JAM3: variants seen among roughly 807,000 people sequenced by gnomAD.
The protein encoded by JAM3 is junctional adhesion molecule 3, also known as junctional adhesion molecule C.
In JAM3, 31 loss-of-function variants were observed where a neutral mutation model predicts 39.4. The ratio of observed to expected loss-of-function variants is 0.79; its 90% CI spans 0.59 to 1.06. The LOEUF is 1.06. Ranked by LOEUF, JAM3 falls within the 50% of genes least tolerant of loss-of-function variation. JAM3 has a pLI of 0.00. For synonymous variants in JAM3, 182 were observed against 148.7 expected, an observed-to-expected ratio of 1.22 and a Z score of -1.63; for missense variants, 455 against 391.4, an observed-to-expected ratio of 1.16 and a Z score of -1.37.
At chr11:134,078,831 G>C (rs1941616832) in intron 1 of JAM3, among the ~76,000 whole-genome samples, 1 of 152,188 alleles carries the variant, frequency 6.6e-6, no homozygotes, top group Non-Finnish European at 1.5e-5. Flanking sequence ...CTGAGGTCGG[G>C]AGTTCGAGAC....
intron 1 of JAM3, among the ~76,000 whole-genome samples, chr11:134,117,003 T>G (rs1472827712): frequency 2.0e-5 from 3 of 151,988 alleles, no homozygotes; most frequent in Non-Finnish European, 4.4e-5. Context: ...TCACACCATT[T>G]CTACTCAACA....
In JAM3 at chr11:134,150,300, C is replaced by T. The variant is rs552885357; in HGVS notation, c.*1119C>T. 6.6e-6 allele frequency: 1 copy of T among 152,472 alleles called. No homozygotes were observed. Among genetic ancestry groups the T allele is most frequent in the South Asian group, 2.1e-4 (1 of 4,830 alleles). The allele number at this position is 152,472 out of a possible 1,614,324, so 9.4% of individuals were successfully genotyped here. On this transcript the variant is annotated 3_prime_UTR_variant, in exon 9 of 9. Coordinates refer to ENST00000299106, the MANE Select transcript of JAM3 (RefSeq NM_032801.5). Reference sequence around the variant, plus strand: ...AACCTCTCAGGTTAGCTTTGAACTGCCTCTTCCTGAGATGACTAGGACAGT... The same window carrying T: ...AACCTCTCAGGTTAGCTTTGAACTGTCTCTTCCTGAGATGACTAGGACAGT...
chr11:134,141,921 C>G (rs1051157859), intron 3 of JAM3, among the ~76,000 whole-genome samples: 3 of 151,930 alleles, frequency 2.0e-5, no homozygotes, highest in Non-Finnish European at 4.4e-5. Flanking sequence ...GTGGAAGCAG[C>G]TCCAACACAG....
intron 1 of JAM3, among the ~76,000 whole-genome samples, chr11:134,108,998 C>T (rs1432531410): frequency 6.6e-6 from 1 of 151,980 alleles, no homozygotes; most frequent in Admixed American, 6.6e-5. Context: ...ATTCTATCTC[C>T]CGGGCTGGAG....
intron 1 of JAM3, among the ~76,000 whole-genome samples, chr11:134,107,549 T>G (rs1019753010): frequency 6.6e-6 from 1 of 152,036 alleles, no homozygotes; most frequent in African/African-American, 2.4e-5. Context: ...ACATCAGAAT[T>G]AAGACTAGGC....
intron 1 of JAM3, among the ~76,000 whole-genome samples, chr11:134,098,980 G>C (rs1470992456): frequency 6.6e-6 from 1 of 152,082 alleles, no homozygotes; most frequent in Non-Finnish European, 1.5e-5. Context: ...TGGGCAGATT[G>C]CTTGAGCCCA....
At chr11:134,123,834 C>T (rs548333322) in intron 1 of JAM3, 4 of 783,008 alleles carry the variant, frequency 5.1e-6, no homozygotes, top group East Asian at 2.4e-5. Flanking sequence ...CTACTGAACA[C>T]AGCAGTGCCC....
chr11:134,095,732 G>A (rs1161220739), intron 1 of JAM3, among the ~76,000 whole-genome samples: 1 of 152,166 alleles, frequency 6.6e-6, no homozygotes, highest in African/African-American at 2.4e-5. Context: ...TCAGTTACGA[G>A]TGTGCTGTTA....
intron 1 of JAM3, among the ~76,000 whole-genome samples, chr11:134,134,090 CTA>C (rs747642615): frequency 7.9e-5 from 12 of 151,788 alleles, no homozygotes; most frequent in Non-Finnish European, 1.2e-4. Flanking sequence ...AAACGAAACA[CTA>C]GAGATAAAAA....
intron 1 of JAM3, chr11:134,124,021 C>T (rs1282013031): frequency 6.8e-7 from 1 of 1,462,990 alleles, no homozygotes; most frequent in Non-Finnish European, 9.6e-7. Flanking sequence ...CCCAATCCCG[C>T]AACACAAGGC....
intron 1 of JAM3, among the ~76,000 whole-genome samples, chr11:134,093,068 C>T (rs1161131849): frequency 7.7e-6 from 1 of 130,326 alleles, no homozygotes; most frequent in African/African-American, 3.0e-5. Context: ...TTCCACCTTA[C>T]ATCTTATTCG....
intron 1 of JAM3, chr11:134,123,771 C>T: frequency 1.5e-6 from 1 of 683,264 alleles, no homozygotes; most frequent in Non-Finnish European, 2.7e-6. Context: ...TTCCAGGTAC[C>T]AAGGGTTCCC....
At chr11:134,090,423 GT>G (rs1941826521) in intron 1 of JAM3, among the ~76,000 whole-genome samples, 1 of 152,008 alleles carries the variant, frequency 6.6e-6, no homozygotes, top group Non-Finnish European at 1.5e-5. Context: ...TTCTTCTAGG[GT>G]TTTTTTCAAT....
chr11:134,083,463 A>G lies in JAM3; in HGVS notation c.76+14304A>G, dbSNP rs116391600. Reference sequence around the variant, plus strand: ...CCACATGCTGTTTGCAAATTGCAAAAAACATTCCTTCAAGTGAGTTTGGAG... The same window carrying G: ...CCACATGCTGTTTGCAAATTGCAAAGAACATTCCTTCAAGTGAGTTTGGAG... On this transcript the variant is annotated intron_variant, in intron 1 of 8. Transcript: ENST00000299106. 7.2e-3 allele frequency among the ~76,000 whole-genome samples: 1,099 copies of G among 152,328 alleles called. 8 individuals carry two copies. Among genetic ancestry groups the G allele is most frequent in the African/African-American group, 0.025 (1,028 of 41,564 alleles).
intron 1 of JAM3, among the ~76,000 whole-genome samples, chr11:134,112,872 C>T (rs1942344542): frequency 6.6e-6 from 1 of 152,152 alleles, no homozygotes; most frequent in Admixed American, 6.5e-5. Context: ...TGAAATAGAG[C>T]ATGAAAATCT....
intron 1 of JAM3, among the ~76,000 whole-genome samples, chr11:134,074,987 CTTTT>C (rs57613157): frequency 0.33 from 40,690 of 124,252 alleles, 5,807 homozygotes; most frequent in African/African-American, 0.37. Context: ...AAGACAGCTG[CTTTT>C]TTTTTTTTTT....
chr11:134,146,679 C>CA (rs1449155263), intron 6 of JAM3, among the ~76,000 whole-genome samples: 1 of 152,158 alleles, frequency 6.6e-6, no homozygotes, highest in African/African-American at 2.4e-5. Context: ...GCCATTCTCC[C>CA]ACCTCAGTCT....
rs1032934049 is a variant in JAM3 at position 134,151,800 on chromosome 11, T to C, written c.*2619T>C. On this transcript the variant is annotated 3_prime_UTR_variant, in exon 9 of 9. Transcript: ENST00000299106. ...TTTGCTCTTACGTTGGGTTTGTCTC[T>C]TCTTCCTAGCATTTCAGTGGTTAGG... is the stretch of plus-strand genomic sequence containing the variant. The C allele has an allele frequency of 6.6e-6, 1 of 152,230 alleles. No individual in the cohort carries two copies. Among genetic ancestry groups the C allele is most frequent in the African/African-American group, 2.4e-5 (1 of 41,456 alleles). 9.4% of individuals were successfully genotyped at this position (152,230 alleles called of 1,614,324 possible). A position where few individuals can be genotyped will look rare whatever the true frequency, so the allele number is the denominator to read the frequency against.
At chr11:134,077,674 G>GA (rs1348953630) in intron 1 of JAM3, among the ~76,000 whole-genome samples, 1 of 34,578 alleles carries the variant, frequency 2.9e-5, no homozygotes, top group African/African-American at 1.2e-4. Context: ...TTTTTTTTTT[G>GA]AAACGGAGTT....
Sources: gnomAD v4.1 joint callset for allele counts (sites outside exome capture counted in the v4.1 genomes callset) on GRCh38, gnomAD v4.1.1 for gene constraint, MANE v1.5 for transcripts, NCBI Gene and HGNC (gene_info 2026-07-23, HGNC 2026-07-21) for gene names.